RTEL1: variants seen among roughly 807,000 people sequenced by gnomAD.
RTEL1 encodes the protein regulator of telomere length.
Under a neutral mutation model 162.2 loss-of-function variants are expected in RTEL1, and 86 were observed. The ratio of observed to expected loss-of-function variants is 0.53; its 90% CI spans 0.45 to 0.63. The LOEUF (loss-of-function observed/expected upper bound fraction) is 0.63, where lower values mean the gene tolerates loss of function less well. Among genes scored for constraint, RTEL1 ranks in the 30% least tolerant of loss-of-function variants. The probability of loss-of-function intolerance (pLI) is 0.00; values close to 1 mark genes in which losing one functional copy is unlikely to be tolerated. For synonymous variants in RTEL1, 958 were observed against 717.9 expected (o/e 1.33, Z -5.35); for missense variants, 1,941 against 1,750.2 (o/e 1.11, Z -1.95).
At chr20:63,685,183 A>G (rs2090564277) in intron 14 of RTEL1, among the ~76,000 whole-genome samples, 1 of 151,870 alleles carries the variant, frequency 6.6e-6, no homozygotes, top group African/African-American at 2.4e-5. Flanking sequence ...CCACTGCACT[A>G]GGCCATGTTG....
chr20:63,675,259 A>G (rs2090326605), intron 10 of RTEL1, among the ~76,000 whole-genome samples: 1 of 152,278 alleles, frequency 6.6e-6, no homozygotes, highest in South Asian at 2.1e-4. Context: ...AGTCTGTGTG[A>G]ATATCTTCAT....
rs2090674624 is a variant in RTEL1 at position 63,689,504 on chromosome 20, C to T, written c.1881C>T (p.Ala627=). The T allele has an allele frequency of 1.3e-6, 2 of 1,594,390 alleles. No homozygotes were observed. Among genetic ancestry groups the T allele is most frequent in the Non-Finnish European group, 8.5e-7 (1 of 1,171,084 alleles). ...ATFLAVCRGK[A]SEGLDFSDTN... is the part of the protein sequence containing the mutation. ...CAGCTCCCTGGTGTGTCCCCTAGGC[C>T]AGCGAGGGGCTGGACTTCTCAGACA... The change falls in exon 23 of 35, where the codon GCC becomes GCT. Residue 627 remains alanine (A), a splice_region_variant and synonymous_variant. Coordinates refer to ENST00000360203, the MANE Select transcript of RTEL1 (RefSeq NM_001283009.2).
rs2090580575 is a variant in RTEL1 at position 63,685,842 on chromosome 20, G to A, written c.1318G>A (p.Ala440Thr). ...CCGGAGGACGGCTCAGCGGTCTGATGCCTGGAGCACCACTGCAGCCAGAAA... is the reference window on the plus strand; with the variant it reads ...CCGGAGGACGGCTCAGCGGTCTGATACCTGGAGCACCACTGCAGCCAGAAA... The part of the protein sequence containing the change: ...GHRRTAQRSD[A>T]WSTTAARKRG... The change falls in exon 16 of 35, where the codon GCC becomes ACC. Residue 440 changes from alanine to threonine, a missense_variant. Ala to Thr is a moderately conservative substitution (Grantham distance 58). Transcript: ENST00000360203. 1.9e-6 allele frequency: 3 copies of A among 1,612,664 alleles called. No individual in the cohort carries two copies. Among genetic ancestry groups the A allele is most frequent in the Non-Finnish European group, 1.7e-6 (2 of 1,179,916 alleles).
chr20:63,695,737 A>G (rs927347915), intron 34 of RTEL1, 41 bp from the exon 35 acceptor site: 1 of 1,595,550 alleles, frequency 6.3e-7, no homozygotes, highest in Admixed American at 1.7e-5. Context: ...TCCTGGTGGC[A>G]ACGCCTGGCA....
rs753779060 is a variant in RTEL1, at chr20:63,689,125, G to A, written c.1871G>A (p.Arg624Gln). ...STGATFLAVC[R>Q]GKASEGLDFS... ...GGCGCCACCTTCCTGGCGGTCTGCC[G>A]GGGCAAGGTGAGCTCTCCAGGGCCC... is the stretch of plus-strand genomic sequence containing the variant. The change falls in exon 22 of 35, where the codon CGG becomes CAG. Residue 624 changes from arginine to glutamine, a missense_variant. Physicochemically the swap from Arg to Gln is conservative, Grantham distance 43. Transcript: ENST00000360203. The A allele has an allele frequency of 2.5e-5, 41 of 1,608,890 alleles. No individual in the cohort carries two copies. Among genetic ancestry groups the A allele is most frequent in the Admixed American group, 1.5e-4 (9 of 59,994 alleles).
rs1205395104 is a variant in RTEL1 at position 63,680,277 on chromosome 20, G to A, written c.1135+331G>A. On this transcript the variant is annotated intron_variant, in intron 13 of 34. Coordinates refer to ENST00000360203, the MANE Select transcript of RTEL1 (RefSeq NM_001283009.2). ...GAGTTCTGCTTCTCAGAGTTGTGGGGTCCAGAGGCTTTGCCCAGAGGCGGT... is the reference window on the plus strand; with the variant it reads ...GAGTTCTGCTTCTCAGAGTTGTGGGATCCAGAGGCTTTGCCCAGAGGCGGT... Among the ~76,000 whole-genome samples the A allele has an allele frequency of 6.6e-5, 10 of 152,236 alleles. No individual in the cohort carries two copies. In the East Asian group the frequency reaches 1.9e-3, roughly 29 times the overall value.
chr20:63,667,623 C>A, intron 8 of RTEL1, 70 bp downstream of exon 8: 1 of 1,290,700 alleles, frequency 7.7e-7, no homozygotes, highest in Non-Finnish European at 1.1e-6. Flanking sequence ...GAACAGCTGT[C>A]CGAGCCTTTG....
At chr20:63,693,839 C>G (rs1260597117) in intron 30 of RTEL1, among the ~76,000 whole-genome samples, 1 of 147,532 alleles carries the variant, frequency 6.8e-6, no homozygotes, top group Non-Finnish European at 1.5e-5. Flanking sequence ...ATAGCCCCGA[C>G]CCCTAAGCAC....
rs560441432 is a variant in RTEL1, at chr20:63,692,711, C to G, written c.2653-94C>G. The G allele has an allele frequency of 1.6e-4, 202 of 1,256,794 alleles. 1 individual carries two copies. The highest frequency in any genetic ancestry group is 4.1e-5 in the Admixed American group (2 of 49,334). 77.9% of individuals were successfully genotyped at this position (1,256,794 alleles called of 1,614,324 possible). Reference sequence around the variant, plus strand: ...AGCCCCACCTCGGCAGTCACTGTCCCAGGGAACGCTCAATGTTCCAAGGAA... The same window carrying G: ...AGCCCCACCTCGGCAGTCACTGTCCGAGGGAACGCTCAATGTTCCAAGGAA... On this transcript the variant is annotated intron_variant, in intron 28 of 34. Coordinates refer to ENST00000360203, the MANE Select transcript of RTEL1 (RefSeq NM_001283009.2).
At position 63,695,809 on chromosome 20, in the gene RTEL1, C is replaced by T; in HGVS notation, c.3854C>T (p.Ala1285Val). 1 of 1,600,408 alleles carries T rather than the reference C, an allele frequency of 6.2e-7. No individual in the cohort carries two copies. Among genetic ancestry groups the T allele is most frequent in the Non-Finnish European group, 8.5e-7 (1 of 1,174,730 alleles). The change falls in exon 35 of 35, where the codon GCC becomes GTC. Residue 1285 changes from alanine to valine, a missense_variant. Physicochemically the swap from Ala to Val is moderately conservative, Grantham distance 64. Transcript: ENST00000360203. ...AGGATGTGCCCAGCCTGCCACACCG[C>T]CTCCAGGAAGCAGAGCGTCATGCAG... ...ASRMCPACHT[A>V]SRKQSVMQVF...
intron 14 of RTEL1, chr20:63,681,635 GA>G (rs2090479461): frequency 1.2e-5 from 12 of 985,374 alleles, no homozygotes; most frequent in Middle Eastern, 5.2e-4. Flanking sequence ...GCAGATCCCG[GA>G]ACAAGCAGGC....
chr20:63,690,461 G>A lies in RTEL1; in HGVS notation c.2413+20G>A. 6.4e-7 allele frequency: 1 copy of A among 1,551,130 alleles called. No homozygotes were observed. The highest frequency in any genetic ancestry group is 8.7e-7 in the Non-Finnish European group (1 of 1,147,792). On this transcript the variant is annotated intron_variant, in intron 26 of 34. Transcript: ENST00000360203. Reference sequence around the variant, plus strand: ...CCTCAGGTGCGGACGGGCAGCGCTGGGTGGGCGGTGTGGGGGTGGCGGAGC... The same window carrying A: ...CCTCAGGTGCGGACGGGCAGCGCTGAGTGGGCGGTGTGGGGGTGGCGGAGC...
intron 7 of RTEL1, among the ~76,000 whole-genome samples, chr20:63,667,066 T>C (rs113668439): frequency 0.09 from 13,616 of 151,700 alleles, 698 homozygotes; most frequent in East Asian, 0.14. Flanking sequence ...GTCTCGATCT[T>C]CTGACCTTGT....
intron 27 of RTEL1, among the ~76,000 whole-genome samples, chr20:63,691,261 C>T (rs2090735252): frequency 6.6e-6 from 1 of 152,212 alleles, no homozygotes; most frequent in Non-Finnish European, 1.5e-5. Flanking sequence ...CCACTGGCTG[C>T]GCTTGAGGCT....
chr20:63,692,528 C>A (rs2090774214), intron 28 of RTEL1: 3 of 529,364 alleles, frequency 5.7e-6, no homozygotes, highest in South Asian at 4.3e-5. Context: ...CCATGCAGGA[C>A]CCCTGGCTTG....
intron 30 of RTEL1, among the ~76,000 whole-genome samples, 179 bp downstream of exon 30, chr20:63,693,462 T>TTGA (rs377133003): frequency 5.2e-4 from 5 of 9,546 alleles, no homozygotes; most frequent in South Asian, 3.5e-3. Flanking sequence ...CACCTCCACC[T>TTGA]CCACCTCCAC....
At chr20:63,664,312 A>T (rs558836181) in intron 6 of RTEL1, among the ~76,000 whole-genome samples, 1 of 152,320 alleles carries the variant, frequency 6.6e-6, no homozygotes, top group South Asian at 2.1e-4. Context: ...CCCCAGTCCC[A>T]TGCAGCGGGG....
intron 8 of RTEL1, 149 bp from the exon 9 acceptor site, chr20:63,672,407 T>G: frequency 3.0e-6 from 2 of 674,624 alleles, no homozygotes; most frequent in South Asian, 1.7e-5. Context: ...TGTTGCCAGG[T>G]CATCCAGGTC....
intron 10 of RTEL1, 110 bp from the exon 11 acceptor site, chr20:63,678,035 C>G: frequency 7.9e-7 from 1 of 1,270,648 alleles, no homozygotes; most frequent in Non-Finnish European, 1.1e-6. Context: ...GTGGCCTCTT[C>G]CTTTCCATGT....
Sources: allele counts gnomAD v4.1 joint callset (sites outside exome capture counted in the v4.1 genomes callset), GRCh38; gene constraint gnomAD v4.1.1; transcripts MANE v1.5; gene names NCBI Gene and HGNC (gene_info 2026-07-23, HGNC 2026-07-21).